The following FBXL20 variants were observed in gnomAD, a reference collection of about 807,000 sequenced individuals.
FBXL20 encodes the protein F-box/LRR-repeat protein 20.
Under a neutral mutation model 64.0 loss-of-function variants are expected in FBXL20, and 11 were observed. The observed-to-expected ratio is 0.17, with a 90% CI of 0.11 to 0.28. The LOEUF is 0.28. FBXL20 is among the 10% of genes least tolerant of loss of function. FBXL20 has a pLI of 1.00. For missense variants in FBXL20, 303 were observed against 526.2 expected (o/e 0.58, Z 4.15); for synonymous variants, 184 against 189.0 (o/e 0.97, Z 0.22).
chr17:39,348,747 TG>T (rs1436205598), intron 1 of FBXL20, among the ~76,000 whole-genome samples: 4 of 152,194 alleles, frequency 2.6e-5, no homozygotes, highest in Non-Finnish European at 5.9e-5. Context: ...TTGCCCAGGT[TG>T]GAGTACAGTG....
intron 1 of FBXL20, among the ~76,000 whole-genome samples, chr17:39,365,938 T>C (rs1013742850): frequency 1.3e-5 from 2 of 152,202 alleles, no homozygotes; most frequent in Admixed American, 1.3e-4. Flanking sequence ...TCACTTCATC[T>C]GTAACACAGG....
chr17:39,312,193 G>C (rs959322130), intron 2 of FBXL20, among the ~76,000 whole-genome samples: 8 of 152,034 alleles, frequency 5.3e-5, no homozygotes, highest in Non-Finnish European at 1.0e-4. Context: ...GAGGCAGGCG[G>C]ATCACAAGGT....
chr17:39,368,298 A>G (rs1330893692), intron 1 of FBXL20, among the ~76,000 whole-genome samples: 2 of 152,156 alleles, frequency 1.3e-5, no homozygotes, highest in African/African-American at 2.4e-5. Flanking sequence ...AGGCTAAGGC[A>G]GGAGGATCAC....
chr17:39,391,962 T>G (rs2048137931), intron 1 of FBXL20, among the ~76,000 whole-genome samples: 1 of 149,640 alleles, frequency 6.7e-6, no homozygotes, highest in African/African-American at 2.5e-5. Context: ...GCCAACACGG[T>G]GAAACCCTGT....
chr17:39,314,519 C>T (rs956485065), intron 2 of FBXL20, among the ~76,000 whole-genome samples: 1 of 151,678 alleles, frequency 6.6e-6, no homozygotes, highest in Non-Finnish European at 1.5e-5. Flanking sequence ...CAGCCTTGTG[C>T]CTGTACAAAT....
At chr17:39,323,818 G>C (rs1229914367) in intron 2 of FBXL20, among the ~76,000 whole-genome samples, 1 of 151,420 alleles carries the variant, frequency 6.6e-6, no homozygotes, top group Non-Finnish European at 1.5e-5. Flanking sequence ...TGTCGCCCAG[G>C]CTGGAGTGCA....
intron 2 of FBXL20, among the ~76,000 whole-genome samples, chr17:39,316,459 C>T (rs554044880): frequency 6.6e-6 from 1 of 152,066 alleles, no homozygotes; most frequent in East Asian, 1.9e-4. Flanking sequence ...AGAAATAGGG[C>T]AGAGAAAATG....
intron 1 of FBXL20, among the ~76,000 whole-genome samples, chr17:39,374,958 C>T (rs764102236): frequency 2.0e-5 from 3 of 151,948 alleles, no homozygotes; most frequent in South Asian, 2.1e-4. Flanking sequence ...AGCTAATTTT[C>T]GTATTTTTAG....
At chr17:39,394,439 A>AT (rs542002638) in intron 1 of FBXL20, among the ~76,000 whole-genome samples, 69 of 146,082 alleles carry the variant, frequency 4.7e-4, no homozygotes, top group East Asian at 1.2e-3. Context: ...CGCCAGGCTA[A>AT]TTTTTTTTTT....
intron 2 of FBXL20, among the ~76,000 whole-genome samples, chr17:39,310,454 A>G (rs2144482499): frequency 6.6e-6 from 1 of 152,194 alleles, no homozygotes; most frequent in African/African-American, 2.4e-5. Flanking sequence ...ACCTTTTCTA[A>G]TAAAATTAGT....
intron 2 of FBXL20, among the ~76,000 whole-genome samples, chr17:39,333,409 G>T (rs905267710): frequency 3.9e-5 from 6 of 152,238 alleles, no homozygotes; most frequent in Admixed American, 1.3e-4. Flanking sequence ...GGCCTCCCGA[G>T]GTGCCGGGAC....
At chr17:39,301,667 G>C (rs893029016) in intron 3 of FBXL20, among the ~76,000 whole-genome samples, 1 of 152,010 alleles carries the variant, frequency 6.6e-6, no homozygotes, top group Admixed American at 6.6e-5. Flanking sequence ...GGCGGAGGTT[G>C]CAGTGAGCCA....
intron 6 of FBXL20, among the ~76,000 whole-genome samples, chr17:39,286,899 GTATC>G (rs1423005674): frequency 1.4e-5 from 2 of 147,204 alleles, no homozygotes; most frequent in African/African-American, 2.5e-5. Context: ...AAATATTTCA[GTATC>G]TATTTCTTTT....
chr17:39,340,034 G>C (rs2047567158), intron 2 of FBXL20, among the ~76,000 whole-genome samples: 1 of 152,112 alleles, frequency 6.6e-6, no homozygotes, highest in South Asian at 2.1e-4. Context: ...AGGTTCAAGT[G>C]ATTCTCCTGC....
chr17:39,314,141 T>C lies in FBXL20; in HGVS notation c.105-10502A>G, dbSNP rs147244649. 5.3e-5 allele frequency among the ~76,000 whole-genome samples: 8 copies of C among 152,288 alleles called. No individual in the cohort carries two copies. The East Asian group carries it at 5.8e-4, about 11-fold the overall frequency. On this transcript the variant is annotated intron_variant, in intron 2 of 14. Coordinates refer to ENST00000264658, the MANE Select transcript of FBXL20 (RefSeq NM_032875.3). ...ACCACTAATCAACATTATTTCTCTA[T>C]AGATTTGCCTATTCCGCACATTTCA...
chr17:39,315,220 G>A, intron 2 of FBXL20, among the ~76,000 whole-genome samples: 1 of 151,882 alleles, frequency 6.6e-6, no homozygotes, highest in East Asian at 1.9e-4. Flanking sequence ...TTTGATTACA[G>A]ACATCCTAGG....
intron 1 of FBXL20, among the ~76,000 whole-genome samples, chr17:39,346,249 G>A (rs77690410): frequency 0.022 from 3,413 of 151,924 alleles, 62 homozygotes; most frequent in Middle Eastern, 0.082. Context: ...GCTGGGGTGG[G>A]AGGATCACTT....
At chr17:39,322,035 G>GACTA (rs1421183670) in intron 2 of FBXL20, among the ~76,000 whole-genome samples, 1 of 151,756 alleles carries the variant, frequency 6.6e-6, no homozygotes, top group Non-Finnish European at 1.5e-5. Context: ...CTTGCTACAA[G>GACTA]ACTAACCACA....
At chr17:39,269,834 TG>T (rs1299101215) in intron 11 of FBXL20, among the ~76,000 whole-genome samples, 4 of 152,210 alleles carry the variant, frequency 2.6e-5, no homozygotes, top group Non-Finnish European at 4.4e-5. Flanking sequence ...TTCGCCATGT[TG>T]CCCGGGCTGG....
Sources: gnomAD v4.1 joint callset for allele counts (sites outside exome capture counted in the v4.1 genomes callset) on GRCh38, gnomAD v4.1.1 for gene constraint, MANE v1.5 for transcripts, NCBI Gene and HGNC (gene_info 2026-07-23, HGNC 2026-07-21) for gene names.